CISD1: variants seen among roughly 807,000 people sequenced by gnomAD.
The protein encoded by CISD1 is CDGSH iron-sulfur domain-containing protein 1.
Under a neutral mutation model 12.0 loss-of-function variants are expected in CISD1, and 8 were observed. The observed-to-expected ratio is 0.67, with a 90% CI of 0.39 to 1.20. CISD1 has a LOEUF of 1.20. Among genes scored for constraint, CISD1 ranks in the 50% most tolerant of loss-of-function variants. The probability of loss-of-function intolerance (pLI) is 0.01; values close to 1 mark genes in which losing one functional copy is unlikely to be tolerated. For missense variants in CISD1, 107 were observed against 132.7 expected, an observed-to-expected ratio of 0.81 and a Z score of 0.95; for synonymous variants, 38 against 42.2, an observed-to-expected ratio of 0.90 and a Z score of 0.39.
At chr10:58,269,926 G>A (rs1425832430) in intron 1 of CISD1, among the ~76,000 whole-genome samples, 1 of 152,146 alleles carries the variant, frequency 6.6e-6, no homozygotes, top group Non-Finnish European at 1.5e-5. Flanking sequence ...CCCTGTGCTA[G>A]TACCTAGCGT....
At chr10:58,279,115 T>C (rs924299140) in intron 2 of CISD1, among the ~76,000 whole-genome samples, 7 of 152,218 alleles carry the variant, frequency 4.6e-5, no homozygotes, top group Admixed American at 6.5e-5. Flanking sequence ...ATAGTCCACA[T>C]GTGTGACTAA....
chr10:58,283,779 T>C (rs1839398441), intron 2 of CISD1, among the ~76,000 whole-genome samples: 1 of 152,190 alleles, frequency 6.6e-6, no homozygotes, highest in Admixed American at 6.5e-5. Flanking sequence ...TCCCCCACTT[T>C]TAAAGATATT....
chr10:58,286,933 T>C (rs1839435543), intron 2 of CISD1, among the ~76,000 whole-genome samples: 1 of 152,052 alleles, frequency 6.6e-6, no homozygotes, highest in Non-Finnish European at 1.5e-5. Flanking sequence ...TAATATGCAG[T>C]TGATTTATTT....
intron 2 of CISD1, among the ~76,000 whole-genome samples, chr10:58,281,548 C>T (rs1839373887): frequency 6.6e-6 from 1 of 152,132 alleles, no homozygotes; most frequent in South Asian, 2.1e-4. Flanking sequence ...TTGGAAACTC[C>T]CCACATTCCT....
At chr10:58,275,285 G>C (rs970591839) in intron 1 of CISD1, among the ~76,000 whole-genome samples, 2 of 152,178 alleles carry the variant, frequency 1.3e-5, no homozygotes, top group Non-Finnish European at 2.9e-5. Context: ...GAAGTGGATT[G>C]CTACAGCTCC....
intron 2 of CISD1, among the ~76,000 whole-genome samples, chr10:58,284,579 T>G (rs1024973705): frequency 6.6e-6 from 1 of 152,208 alleles, no homozygotes; most frequent in East Asian, 1.9e-4. Context: ...AAGAAATATG[T>G]GTTTGCTTTT....
At chr10:58,284,787 A>G (rs1238866015) in intron 2 of CISD1, among the ~76,000 whole-genome samples, 6 of 152,222 alleles carry the variant, frequency 3.9e-5, no homozygotes, top group African/African-American at 9.6e-5. Context: ...TATTTTCAAC[A>G]TAAGATTAAA....
At chr10:58,276,705 T>C (rs2132279522) in intron 1 of CISD1, among the ~76,000 whole-genome samples, 1 of 150,702 alleles carries the variant, frequency 6.6e-6, no homozygotes, top group South Asian at 2.1e-4. Context: ...TTTGTTAACA[T>C]AACAAAATGT....
At position 58,277,201 on chromosome 10, in the gene CISD1, A is replaced by G; in HGVS notation, c.116A>G (p.His39Arg). The change falls in exon 2 of 3, where the codon CAT becomes CGT. Residue 39 changes from histidine (H) to arginine (R), a missense_variant. Physicochemically the swap from His to Arg is conservative, Grantham distance 29. Coordinates refer to ENST00000333926, the MANE Select transcript of CISD1 (RefSeq NM_018464.5). Reference protein sequence around the residue: ...LAYKRFYVKDHRNKAMINLHI... With the variant: ...LAYKRFYVKDRRNKAMINLHI... ...TACAAAAGATTTTATGTTAAAGATC[A>G]TCGAAATAAAGCTATGATAAACCTT... 2 of 1,613,272 alleles carry G rather than the reference A, an allele frequency of 1.2e-6. No homozygotes were observed. The highest frequency in any genetic ancestry group is 1.7e-6 in the Non-Finnish European group (2 of 1,179,500).
Position 58,287,832 on chromosome 10 carries a change from CA to C in CISD1, c.*199del, listed in dbSNP as rs60626434. On this transcript the variant is annotated 3_prime_UTR_variant, in exon 3 of 3. Transcript: ENST00000333926. Reference sequence around the variant, plus strand: ...ACATCGTGGTGCACATTTGTTTAAACAAAAAAAAAAAAAAAAAGGAAAAACC... The same window carrying C: ...ACATCGTGGTGCACATTTGTTTAAACAAAAAAAAAAAAAAAAGGAAAAACC... 0.32 allele frequency: 81,726 copies of C among 255,080 alleles called. 5,740 individuals are homozygous for C. Among genetic ancestry groups the C allele is most frequent in the African/African-American group, 0.47 (18,658 of 39,710 alleles). 15.8% of individuals were successfully genotyped at this position (255,080 alleles called of 1,614,324 possible). A position where few individuals can be genotyped will look rare whatever the true frequency, so the allele number is the denominator to read the frequency against.
At chr10:58,274,082 G>A (rs930121517) in intron 1 of CISD1, among the ~76,000 whole-genome samples, 1 of 152,090 alleles carries the variant, frequency 6.6e-6, no homozygotes, top group Non-Finnish European at 1.5e-5. Flanking sequence ...GCAGTGAGCT[G>A]AGATTGTGCC....
At chr10:58,276,850 T>G (rs1030990324) in intron 1 of CISD1, among the ~76,000 whole-genome samples, 9 of 151,944 alleles carry the variant, frequency 5.9e-5, no homozygotes, top group Non-Finnish European at 8.8e-5. Flanking sequence ...TTTTTTTTAC[T>G]CCAGCTCTAA....
intron 1 of CISD1, among the ~76,000 whole-genome samples, chr10:58,276,647 A>G (rs2132279476): frequency 6.6e-6 from 1 of 151,854 alleles, no homozygotes; most frequent in South Asian, 2.1e-4. Context: ...TAAATAATTT[A>G]AAAATCACTA....
intron 1 of CISD1, among the ~76,000 whole-genome samples, chr10:58,274,409 A>G (rs1273079808): frequency 7.0e-6 from 1 of 143,336 alleles, no homozygotes; most frequent in East Asian, 2.0e-4. Context: ...CTGATGATTC[A>G]GGCTACACTC....
intron 2 of CISD1, among the ~76,000 whole-genome samples, chr10:58,277,770 C>T (rs1254380772): frequency 6.6e-6 from 1 of 151,918 alleles, no homozygotes; most frequent in Non-Finnish European, 1.5e-5. Flanking sequence ...AAGAAAATCC[C>T]TTTAATTTGC....
At chr10:58,286,159 C>T (rs1210427205) in intron 2 of CISD1, among the ~76,000 whole-genome samples, 1 of 149,506 alleles carries the variant, frequency 6.7e-6, no homozygotes, top group African/African-American at 2.5e-5. Context: ...GAGTCGAGAT[C>T]GCGCCACTGC....
chr10:58,269,219 G>A lies in CISD1; in HGVS notation c.-55G>A. ...TGGCACCTTTACTCTCGCCGGCCGCGCGAACCCGTTTGAGCTCGGTATCCT... is the reference window on the plus strand; with the variant it reads ...TGGCACCTTTACTCTCGCCGGCCGCACGAACCCGTTTGAGCTCGGTATCCT... On this transcript the variant is annotated 5_prime_UTR_variant, in exon 1 of 3. Coordinates refer to ENST00000333926, the MANE Select transcript of CISD1 (RefSeq NM_018464.5). 2 of 1,587,056 alleles carry A rather than the reference G, an allele frequency of 1.3e-6. No homozygotes were observed. Among genetic ancestry groups the A allele is most frequent in the Non-Finnish European group, 1.7e-6 (2 of 1,165,670 alleles).
intron 1 of CISD1, among the ~76,000 whole-genome samples, chr10:58,271,282 C>T (rs1460907303): frequency 6.6e-6 from 1 of 151,768 alleles, no homozygotes; most frequent in Admixed American, 6.6e-5. Context: ...CCTCGTGATT[C>T]GCCCGCCTCG....
intron 2 of CISD1, among the ~76,000 whole-genome samples, chr10:58,284,707 AT>A (rs5785313): frequency 0.34 from 52,362 of 151,952 alleles, 11,524 homozygotes; most frequent in African/African-American, 0.63. Context: ...TTCTTTGTAT[AT>A]TTTTTCTATA....
Sources: gnomAD v4.1 joint callset for allele counts (sites outside exome capture counted in the v4.1 genomes callset) on GRCh38, gnomAD v4.1.1 for gene constraint, MANE v1.5 for transcripts, NCBI Gene and HGNC (gene_info 2026-07-23, HGNC 2026-07-21) for gene names.